The following GPC5 variants were observed in gnomAD, a reference collection of about 807,000 sequenced individuals.
GPC5 encodes the protein glypican-5.
GPC5 carries 47 observed loss-of-function variants against 53.9 expected under a neutral mutation model. The observed-to-expected ratio is 0.87, with a 90% CI of 0.69 to 1.11. The LOEUF is 1.11. Among genes scored for constraint, GPC5 ranks in the 50% most tolerant of loss-of-function variants. The pLI, the probability that GPC5 is intolerant of heterozygous loss-of-function variation, is 0.00. For missense variants in GPC5, 748 were observed against 713.1 expected (o/e 1.05, Z -0.56); for synonymous variants, 286 against 263.3 (o/e 1.09, Z -0.84).
chr13:91,521,333 T>G (rs554705880), intron 2 of GPC5, among the ~76,000 whole-genome samples: 11 of 152,318 alleles, frequency 7.2e-5, no homozygotes, highest in Non-Finnish European at 1.6e-4. Context: ...TATTCAATGT[T>G]GTAGGGATTG....
chr13:92,590,419 G>A (rs1297598596), intron 7 of GPC5, among the ~76,000 whole-genome samples: 2 of 152,168 alleles, frequency 1.3e-5, no homozygotes, highest in African/African-American at 2.4e-5. Flanking sequence ...AGCTAGAATT[G>A]ACAGACTGCG....
At chr13:91,945,344 A>G (rs1197842847) in intron 6 of GPC5, among the ~76,000 whole-genome samples, 2 of 152,014 alleles carry the variant, frequency 1.3e-5, no homozygotes, top group South Asian at 2.1e-4. Flanking sequence ...GCCAGTTTCT[A>G]TTGCACTTTC....
At position 92,278,573 on chromosome 13, in the gene GPC5, C is replaced by A. The variant is rs2042891984; in HGVS notation, c.1561+133584C>A. 1.3e-5 allele frequency among the ~76,000 whole-genome samples: 2 copies of A among 151,846 alleles called. 1 individual carries two copies. The highest frequency in any genetic ancestry group is 2.9e-5 in the Non-Finnish European group (2 of 67,832). On this transcript the variant is annotated intron_variant, in intron 7 of 7. Transcript: ENST00000377067. Reference sequence around the variant, plus strand: ...TCACATTCCCACTTATTTATTTTTTCTTTTGTTGTTCATGCTTTTGGTGTC... The same window carrying A: ...TCACATTCCCACTTATTTATTTTTTATTTTGTTGTTCATGCTTTTGGTGTC...
At chr13:92,122,051 A>G (rs961354643) in intron 6 of GPC5, among the ~76,000 whole-genome samples, 6 of 152,328 alleles carry the variant, frequency 3.9e-5, no homozygotes, top group South Asian at 2.1e-4. Flanking sequence ...CCATTCATCC[A>G]GTGACAGCAG....
chr13:92,210,922 A>G lies in GPC5; in HGVS notation c.1561+65933A>G, dbSNP rs181337512. Reference sequence around the variant, plus strand: ...CGCTTACTTCTTTCTTTTAGATTTCATTTCCTTCTATCTTGTAATGAAGGC... The same window carrying G: ...CGCTTACTTCTTTCTTTTAGATTTCGTTTCCTTCTATCTTGTAATGAAGGC... On this transcript the variant is annotated intron_variant, in intron 7 of 7. Transcript: ENST00000377067. Among the ~76,000 whole-genome samples the G allele has an allele frequency of 1.1e-4, 17 of 152,252 alleles. No individual in the cohort carries two copies. In the East Asian group the frequency reaches 3.3e-3, roughly 29 times the overall value.
chr13:92,083,196 TG>T (rs906021976), intron 6 of GPC5, among the ~76,000 whole-genome samples: 1 of 152,210 alleles, frequency 6.6e-6, no homozygotes, highest in Admixed American at 6.5e-5. Flanking sequence ...TCTTTCTGTT[TG>T]CTAATGGGGA....
At chr13:91,499,306 G>A (rs1355655941) in intron 2 of GPC5, among the ~76,000 whole-genome samples, 1 of 152,116 alleles carries the variant, frequency 6.6e-6, no homozygotes, top group Non-Finnish European at 1.5e-5. Context: ...GGTAGTATGT[G>A]TTTAGATTTT....
At chr13:92,145,878 T>C (rs1367157737) in intron 7 of GPC5, among the ~76,000 whole-genome samples, 3 of 152,214 alleles carry the variant, frequency 2.0e-5, no homozygotes, top group Non-Finnish European at 4.4e-5. Flanking sequence ...CTATTAGACA[T>C]GCCTTTTGGT....
intron 6 of GPC5, among the ~76,000 whole-genome samples, chr13:92,122,330 A>G (rs1192243395): frequency 6.6e-6 from 1 of 150,654 alleles, no homozygotes; most frequent in Non-Finnish European, 1.5e-5. Flanking sequence ...TTTAGCAGCC[A>G]TAGACTTCTT....
rs547540243 is a variant in GPC5 at position 92,682,942 on chromosome 13, C to G, written c.1562-183340C>G. Among the ~76,000 whole-genome samples, 72 of 152,124 alleles carry G rather than the reference C, an allele frequency of 4.7e-4. No homozygotes were observed. The South Asian group carries it at 0.015, about 32-fold the overall frequency. On this transcript the variant is annotated intron_variant, in intron 7 of 7. Coordinates refer to ENST00000377067, the MANE Select transcript of GPC5 (RefSeq NM_004466.6). ...AAGCTCTTTTCTCCTCTCCTTGTTC[C>G]CAGGATAGAACAAAATACACACGGC...
At chr13:92,836,684 T>C (rs545443502) in intron 7 of GPC5, among the ~76,000 whole-genome samples, 4 of 152,204 alleles carry the variant, frequency 2.6e-5, no homozygotes, top group African/African-American at 9.6e-5. Flanking sequence ...TTAAGAGTAA[T>C]GTAAAAGACT....
intron 7 of GPC5, among the ~76,000 whole-genome samples, chr13:92,779,373 G>C (rs1263510078): frequency 6.6e-6 from 1 of 152,022 alleles, no homozygotes; most frequent in East Asian, 1.9e-4. Flanking sequence ...AACCGTATCA[G>C]TCTCAAAGCT....
intron 7 of GPC5, among the ~76,000 whole-genome samples, chr13:92,523,321 C>T (rs1466358907): frequency 1.3e-5 from 2 of 152,098 alleles, no homozygotes; most frequent in Non-Finnish European, 2.9e-5. Flanking sequence ...AGTAGTTTCT[C>T]AGTCATATGC....
At chr13:92,216,476 G>T (rs1195517258) in intron 7 of GPC5, among the ~76,000 whole-genome samples, 5 of 152,190 alleles carry the variant, frequency 3.3e-5, no homozygotes, top group African/African-American at 1.2e-4. Context: ...TCAGGGGTCT[G>T]ATGCCTCATT....
intron 7 of GPC5, among the ~76,000 whole-genome samples, chr13:92,302,595 A>C (rs544586729): frequency 6.6e-6 from 1 of 152,238 alleles, no homozygotes; most frequent in Non-Finnish European, 1.5e-5. Context: ...AGAAAAGTCT[A>C]TTAAGCTTAT....
chr13:92,808,441 GT>G, intron 7 of GPC5, among the ~76,000 whole-genome samples: 1 of 152,172 alleles, frequency 6.6e-6, no homozygotes, highest in East Asian at 1.9e-4. Flanking sequence ...ATATTTGGTT[GT>G]TGTTAGAGTT....
intron 7 of GPC5, chr13:92,706,147 T>A (rs2139260623): frequency 6.6e-6 from 1 of 152,158 alleles, no homozygotes; most frequent in South Asian, 2.1e-4. Context: ...AATATACAAT[T>A]AAATGAACAG....
At position 92,773,300 on chromosome 13, in the gene GPC5, G is replaced by A. The variant is rs1030243421; in HGVS notation, c.1562-92982G>A. Reference sequence around the variant, plus strand: ...TAATCTCATAATGGCAGGTGGAGGTGCTACTCTAGAAGCTCCTAGAATTTG... The same window carrying A: ...TAATCTCATAATGGCAGGTGGAGGTACTACTCTAGAAGCTCCTAGAATTTG... On this transcript the variant is annotated intron_variant, in intron 7 of 7. Transcript: ENST00000377067. 2.6e-5 allele frequency among the ~76,000 whole-genome samples: 4 copies of A among 152,096 alleles called. No homozygotes were observed. The East Asian group carries it at 7.7e-4, about 29-fold the overall frequency.
At chr13:92,741,681 C>A (rs1163459753) in intron 7 of GPC5, among the ~76,000 whole-genome samples, 1 of 152,026 alleles carries the variant, frequency 6.6e-6, no homozygotes, top group Non-Finnish European at 1.5e-5. Flanking sequence ...TGCTGTGCTG[C>A]ACCCATTAAC....
Sources: gnomAD v4.1 joint callset for allele counts (sites outside exome capture counted in the v4.1 genomes callset) on GRCh38, gnomAD v4.1.1 for gene constraint, MANE v1.5 for transcripts, NCBI Gene and HGNC (gene_info 2026-07-23, HGNC 2026-07-21) for gene names.